The following NTM variants were observed in gnomAD, a reference collection of about 807,000 sequenced individuals.
The protein encoded by NTM is IgLON family member 2.
A neutral mutation model predicts 42.1 loss-of-function variants in NTM; 13 were observed. The ratio of observed to expected loss-of-function variants is 0.31; its 90% CI spans 0.20 to 0.49. The LOEUF is 0.49. Ranked by LOEUF, NTM falls within the 20% of genes least tolerant of loss-of-function variation. NTM has a pLI of 0.99. For synonymous variants in NTM, 187 were observed against 179.2 expected, an observed-to-expected ratio of 1.04 and a Z score of -0.35; for missense variants, 373 against 452.8, an observed-to-expected ratio of 0.82 and a Z score of 1.60.
chr11:131,992,117 A>G (rs2067130878), intron 2 of NTM, among the ~76,000 whole-genome samples: 2 of 152,232 alleles, frequency 1.3e-5, no homozygotes, highest in Admixed American at 6.5e-5. Context: ...ACCCTGAGAC[A>G]GCAAGACCAG....
At chr11:132,179,770 C>T (rs1167320045) in intron 3 of NTM, among the ~76,000 whole-genome samples, 1 of 152,082 alleles carries the variant, frequency 6.6e-6, no homozygotes, top group East Asian at 1.9e-4. Context: ...TCTTTACCAG[C>T]AGGGACTCAT....
intron 1 of NTM, 135 bp from the exon 2 acceptor site, chr11:131,911,429 G>C (rs1233709120): frequency 5.6e-6 from 9 of 1,611,242 alleles, no homozygotes; most frequent in South Asian, 3.3e-5. Context: ...TGCTCGCCCG[G>C]GGGGCGTGTG....
chr11:131,740,316 G>T (rs1036229072), intron 1 of NTM, among the ~76,000 whole-genome samples: 2 of 152,140 alleles, frequency 1.3e-5, no homozygotes, highest in Non-Finnish European at 2.9e-5. Context: ...TGTTGTGAGG[G>T]TTATGTATGG....
chr11:131,873,365 A>G (rs1163672596), intron 1 of NTM, among the ~76,000 whole-genome samples: 1 of 146,650 alleles, frequency 6.8e-6, no homozygotes, highest in Non-Finnish European at 1.5e-5. Flanking sequence ...CTGTTGGGGG[A>G]TGGGGGGCAA....
At chr11:131,579,728 G>T (rs1332536654) in intron 1 of NTM, among the ~76,000 whole-genome samples, 3 of 152,218 alleles carry the variant, frequency 2.0e-5, no homozygotes, top group Non-Finnish European at 4.4e-5. Flanking sequence ...CAATGCAAGG[G>T]CAGAGATGCA....
At chr11:131,555,722 G>A (rs1038311635) in intron 1 of NTM, among the ~76,000 whole-genome samples, 9 of 152,136 alleles carry the variant, frequency 5.9e-5, no homozygotes, top group African/African-American at 1.9e-4. Flanking sequence ...GGCAGGAATG[G>A]CCCAGCTCCT....
chr11:131,943,533 T>C (rs963294894), intron 2 of NTM, among the ~76,000 whole-genome samples: 4 of 152,206 alleles, frequency 2.6e-5, no homozygotes, highest in African/African-American at 9.6e-5. Flanking sequence ...TCAGTCTGGG[T>C]TGGCGCCCTG....
chr11:131,737,797 C>T lies in NTM; in HGVS notation c.83-173767C>T, dbSNP rs373465537. ...TGGGGGTGGGTAGAAAATATTCCCA[C>T]TCTCCTCAAACTCTGTCAAAAATAT... On this transcript the variant is annotated intron_variant, in intron 1 of 8. Coordinates refer to ENST00000683400, the MANE Select transcript of NTM (RefSeq NM_001352005.2). Among the ~76,000 whole-genome samples the T allele has an allele frequency of 2.0e-4, 30 of 152,238 alleles. 2 individuals carry two copies. The highest frequency in any genetic ancestry group is 1.3e-3 in the Admixed American group (20 of 15,284).
At chr11:131,698,412 C>T (rs2075714834) in intron 1 of NTM, among the ~76,000 whole-genome samples, 1 of 152,178 alleles carries the variant, frequency 6.6e-6, no homozygotes, top group African/African-American at 2.4e-5. Context: ...TCATGATTGA[C>T]ATTGACTGAG....
chr11:132,281,491 T>C (rs746302224), intron 4 of NTM, among the ~76,000 whole-genome samples: 9 of 152,252 alleles, frequency 5.9e-5, no homozygotes, highest in Non-Finnish European at 8.8e-5. Context: ...CATTTGTTCA[T>C]CTTCAAATCA....
chr11:132,317,605 T>G, intron 7 of NTM: 4 of 1,111,608 alleles, frequency 3.6e-6, no homozygotes, highest in Non-Finnish European at 4.9e-6. Context: ...GTATATAATA[T>G]ATGTGTTTGT....
At chr11:131,926,286 TAGC>T (rs1251980836) in intron 2 of NTM, among the ~76,000 whole-genome samples, 1 of 152,178 alleles carries the variant, frequency 6.6e-6, no homozygotes, top group Admixed American at 6.5e-5. Context: ...CAACTGTACT[TAGC>T]AGGAACCAGC....
intron 1 of NTM, among the ~76,000 whole-genome samples, chr11:131,436,448 C>A (rs1462232137): frequency 2.6e-5 from 4 of 152,124 alleles, no homozygotes; most frequent in African/African-American, 9.7e-5. Flanking sequence ...TTAATTATTG[C>A]CTCAATTTCA....
chr11:131,934,494 A>G (rs143895741), intron 2 of NTM, among the ~76,000 whole-genome samples: 1 of 152,298 alleles, frequency 6.6e-6, no homozygotes, highest in Non-Finnish European at 1.5e-5. Context: ...TGAAATTTTT[A>G]TTATGTGCAT....
chr11:131,997,519 G>A lies in NTM; in HGVS notation c.167+85871G>A, dbSNP rs74781371. ...GAGCTGGCATGGTGGTGGTGAGCAT[G>A]CGGGCAGTGGGTTTGCAGGCATAGC... On this transcript the variant is annotated intron_variant, in intron 2 of 8. Transcript: ENST00000683400. Among the ~76,000 whole-genome samples the A allele has an allele frequency of 8.4e-3, 1,275 of 152,322 alleles. 23 individuals carry two copies. The highest frequency in any genetic ancestry group is 0.029 in the African/African-American group (1,226 of 41,580).
At chr11:131,602,578 A>G (rs1332514436) in intron 1 of NTM, among the ~76,000 whole-genome samples, 1 of 152,138 alleles carries the variant, frequency 6.6e-6, no homozygotes, top group African/African-American at 2.4e-5. Context: ...CAGATTCTCT[A>G]CACTCTCCCT....
At chr11:131,683,283 G>A (rs548837203) in intron 1 of NTM, among the ~76,000 whole-genome samples, 10 of 152,360 alleles carry the variant, frequency 6.6e-5, no homozygotes, top group Non-Finnish European at 1.3e-4. Flanking sequence ...CTGAAGTGAG[G>A]TGAGAAAGGG....
intron 2 of NTM, among the ~76,000 whole-genome samples, chr11:131,962,280 C>A (rs1248860876): frequency 1.3e-5 from 2 of 152,198 alleles, no homozygotes; most frequent in East Asian, 3.8e-4. Context: ...AGAGCAGTTT[C>A]ATGCCAATAA....
In NTM at chr11:132,307,769, G is replaced by T; in HGVS notation, c.607G>T (p.Ala203Ser). The change falls in exon 5 of 9, where the codon GCC becomes TCC. Residue 203 changes from alanine to serine, a missense_variant. Ala to Ser is a moderately conservative substitution (Grantham distance 99, BLOSUM62 1). Around this residue, in one of 3 missense-constraint regions of NTM, gnomAD observed 312 missense variants for 353.5 expected, o/e 0.88. Transcript: ENST00000683400. ...GCAGTCAGGGGACTACGAGTGCAGT[G>T]CCTCCAATGACGTGGCCGCGCCCGT... ...REQSGDYECS[A>S]SNDVAAPVVR... 1 of 1,614,210 alleles carries T rather than the reference G, an allele frequency of 6.2e-7. No homozygotes were observed. The highest frequency in any genetic ancestry group is 1.1e-5 in the South Asian group (1 of 91,090).
Sources: allele counts gnomAD v4.1 joint callset (sites outside exome capture counted in the v4.1 genomes callset), GRCh38; gene constraint gnomAD v4.1.1; regional missense constraint gnomAD v4.1.1; transcripts MANE v1.5; gene names NCBI Gene and HGNC (gene_info 2026-07-23, HGNC 2026-07-21).